The following SLC16A12 variants were observed in gnomAD, a reference collection of about 807,000 sequenced individuals.
SLC16A12 encodes the protein monocarboxylate transporter 12.
Under a neutral mutation model 42.4 loss-of-function variants are expected in SLC16A12, and 17 were observed. That is an observed-to-expected ratio of 0.40 (90% CI 0.27 to 0.60). SLC16A12 has a LOEUF of 0.60. Among genes scored for constraint, SLC16A12 ranks in the 20% least tolerant of loss-of-function variants. The pLI, the probability that SLC16A12 is intolerant of heterozygous loss-of-function variation, is 0.42. For missense variants in SLC16A12, 544 were observed against 623.0 expected (o/e 0.87, Z 1.35); for synonymous variants, 224 against 229.4 (o/e 0.98, Z 0.21).
intron 2 of SLC16A12, among the ~76,000 whole-genome samples, chr10:89,474,127 C>G (rs974468407): frequency 6.6e-6 from 1 of 152,212 alleles, no homozygotes; most frequent in African/African-American, 2.4e-5. Context: ...CCTGATTCCA[C>G]TGCTTCTATG....
upstream of SLC16A12, among the ~76,000 whole-genome samples, chr10:89,537,768 T>C (rs911182036): frequency 2.0e-5 from 3 of 152,260 alleles, no homozygotes; most frequent in Non-Finnish European, 4.4e-5. Flanking sequence ...TTTTGGAGAC[T>C]AGGACACCGC....
intron 2 of SLC16A12, among the ~76,000 whole-genome samples, chr10:89,504,876 T>C (rs890731876): frequency 2.0e-5 from 3 of 152,104 alleles, no homozygotes; most frequent in Admixed American, 6.5e-5. Flanking sequence ...CAGAGGAACA[T>C]GCAGCCCCGA....
At chr10:89,441,956 C>A (rs1170361699) in intron 4 of SLC16A12, among the ~76,000 whole-genome samples, 1 of 152,182 alleles carries the variant, frequency 6.6e-6, no homozygotes, top group African/African-American at 2.4e-5. Context: ...AGGTCACCAA[C>A]AAGAGCACCT....
chr10:89,534,261 A>T (rs1294989219), intron 2 of SLC16A12, among the ~76,000 whole-genome samples: 1 of 152,130 alleles, frequency 6.6e-6, no homozygotes, highest in Non-Finnish European at 1.5e-5. Context: ...TTGGCACGAC[A>T]TTTATGGAGG....
chr10:89,433,056 G>T lies in SLC16A12; in HGVS notation c.*8C>A, dbSNP rs370488340. 3.7e-6 allele frequency: 6 copies of T among 1,614,044 alleles called. No homozygotes were observed. The highest frequency in any genetic ancestry group is 5.1e-6 in the Non-Finnish European group (6 of 1,179,998). Reference sequence around the variant, plus strand: ...AAACCTGAAGATTCTGGGGCTCAAGGCCTTTGGTCATGTGAGGCTGTAGCC... The same window carrying T: ...AAACCTGAAGATTCTGGGGCTCAAGTCCTTTGGTCATGTGAGGCTGTAGCC... On this transcript the variant is annotated 3_prime_UTR_variant, in exon 8 of 8. Coordinates refer to ENST00000371790, the MANE Select transcript of SLC16A12 (RefSeq NM_213606.4).
At chr10:89,539,443 T>A (rs1388044885), upstream of SLC16A12, among the ~76,000 whole-genome samples, 2 of 152,236 alleles carry the variant, frequency 1.3e-5, no homozygotes, top group Non-Finnish European at 2.9e-5. Context: ...GTGTGTTAAC[T>A]AAAATCCTAT....
intron 2 of SLC16A12, among the ~76,000 whole-genome samples, chr10:89,486,671 A>AGAAAG: frequency 6.8e-6 from 1 of 146,192 alleles, no homozygotes; most frequent in South Asian, 2.1e-4. Context: ...AAGAAAAGAA[A>AGAAAG]GAAAGAAAGA....
chr10:89,455,617 C>A (rs11594380), intron 3 of SLC16A12, among the ~76,000 whole-genome samples: 21,208 of 152,124 alleles, frequency 0.14, 1,941 homozygotes, highest in East Asian at 0.21. Flanking sequence ...ATGATGTATG[C>A]CTCTGAACAC....
chr10:89,488,316 C>T (rs1279486821), intron 2 of SLC16A12, among the ~76,000 whole-genome samples: 1 of 152,018 alleles, frequency 6.6e-6, no homozygotes, highest in Non-Finnish European at 1.5e-5. Flanking sequence ...TGAATAGCAG[C>T]TACTATTTTT....
At chr10:89,522,717 C>G (rs186619416) in intron 2 of SLC16A12, among the ~76,000 whole-genome samples, 6 of 152,182 alleles carry the variant, frequency 3.9e-5, no homozygotes, top group African/African-American at 1.4e-4. Context: ...GGTTCTGCCT[C>G]TTAGTCACTC....
Position 89,430,746 on chromosome 10 carries a change from C to G in SLC16A12, c.*2318G>C. 1 of 461,086 alleles carries G rather than the reference C, an allele frequency of 2.2e-6. No individual in the cohort carries two copies. The highest frequency in any genetic ancestry group is 3.3e-4 in the Middle Eastern group (1 of 3,050). 28.6% of individuals were successfully genotyped at this position (461,086 alleles called of 1,614,324 possible). A position where few individuals can be genotyped will look rare whatever the true frequency, so the allele number is the denominator to read the frequency against. ...GTCAAATCTCCCAAATGTTTTTATACAAAATCTTTAAAATTTCTGATCACT... is the reference window on the plus strand; with the variant it reads ...GTCAAATCTCCCAAATGTTTTTATAGAAAATCTTTAAAATTTCTGATCACT... On this transcript the variant is annotated 3_prime_UTR_variant, in exon 8 of 8. Coordinates refer to ENST00000371790, the MANE Select transcript of SLC16A12 (RefSeq NM_213606.4).
chr10:89,510,480 G>A (rs1340537433), intron 2 of SLC16A12, among the ~76,000 whole-genome samples: 1 of 152,174 alleles, frequency 6.6e-6, no homozygotes, highest in East Asian at 1.9e-4. Flanking sequence ...AACAAGCAAG[G>A]GAGGAAGGAT....
At chr10:89,485,448 A>G (rs548169571) in intron 2 of SLC16A12, among the ~76,000 whole-genome samples, 1 of 152,348 alleles carries the variant, frequency 6.6e-6, no homozygotes, top group African/African-American at 2.4e-5. Flanking sequence ...CTAACGGCTC[A>G]TCCTGCTCCA....
At chr10:89,546,928 C>T (rs775458088) in intron 2 of SLC16A12, among the ~76,000 whole-genome samples, 2 of 152,174 alleles carry the variant, frequency 1.3e-5, no homozygotes, top group Non-Finnish European at 2.9e-5. Flanking sequence ...CAAACTAACA[C>T]AAGAACAGCA....
Position 89,513,873 on chromosome 10 carries a change from G to A in SLC16A12, c.-47+20628C>T, listed in dbSNP as rs141662706. 1.1e-3 allele frequency among the ~76,000 whole-genome samples: 161 copies of A among 152,306 alleles called. 1 individual carries two copies. Among genetic ancestry groups the A allele is most frequent in the African/African-American group, 3.7e-3 (155 of 41,560 alleles). ...ATTTTGTTGGTTGCTCAAAGAAGGA[G>A]AGGCATATATGGGAAAAAAGAAGTC... On this transcript the variant is annotated intron_variant, in intron 2 of 7. Transcript: ENST00000371790.
chr10:89,512,331 C>T (rs1189225298), intron 2 of SLC16A12, among the ~76,000 whole-genome samples: 1 of 152,166 alleles, frequency 6.6e-6, no homozygotes, highest in Non-Finnish European at 1.5e-5. Context: ...AAGAAAACTT[C>T]AAATCTTGTA....
rs142168662 is a variant in SLC16A12, at chr10:89,521,946, C to T, written c.-47+12555G>A. Reference sequence around the variant, plus strand: ...AACCAGCTATCCTTTTGTATCTTTCCATATTACTGCCCATACTTGGGTTGT... The same window carrying T: ...AACCAGCTATCCTTTTGTATCTTTCTATATTACTGCCCATACTTGGGTTGT... On this transcript the variant is annotated intron_variant, in intron 2 of 7. Transcript: ENST00000371790. 9.4e-4 allele frequency among the ~76,000 whole-genome samples: 143 copies of T among 152,272 alleles called. 1 individual carries two copies. Among genetic ancestry groups the T allele is most frequent in the African/African-American group, 3.3e-3 (137 of 41,544 alleles).
In SLC16A12 at chr10:89,459,733, A is replaced by T. The variant is rs574821401; in HGVS notation, c.200+2646T>A. ...AGGCGGCAGATCACCTGAGGTCAGG[A>T]GTTTGAGACCATCCTGGCCAACATG... On this transcript the variant is annotated intron_variant, in intron 3 of 7. Coordinates refer to ENST00000371790, the MANE Select transcript of SLC16A12 (RefSeq NM_213606.4). 2.0e-4 allele frequency among the ~76,000 whole-genome samples: 31 copies of T among 152,244 alleles called. No individual in the cohort carries two copies. The East Asian group carries it at 5.6e-3, about 28-fold the overall frequency.
chr10:89,449,141 GT>G (rs1842050150), intron 3 of SLC16A12, among the ~76,000 whole-genome samples: 1 of 152,152 alleles, frequency 6.6e-6, no homozygotes, highest in African/African-American at 2.4e-5. Context: ...TTCCATGCTC[GT>G]GGATAGAAAG....
Sources: gnomAD v4.1 joint callset for allele counts (sites outside exome capture counted in the v4.1 genomes callset) on GRCh38, gnomAD v4.1.1 for gene constraint, MANE v1.5 for transcripts, NCBI Gene and HGNC (gene_info 2026-07-23, HGNC 2026-07-21) for gene names.